Variants in ANK2 observed in about 807,000 individuals in gnomAD.
The protein encoded by ANK2 is ankyrin-2.
Under a neutral mutation model 360.5 loss-of-function variants are expected in ANK2, and 83 were observed. The ratio of observed to expected loss-of-function variants is 0.23; its 90% CI spans 0.19 to 0.28. The LOEUF (loss-of-function observed/expected upper bound fraction) is 0.28. Among genes scored for constraint, ANK2 ranks in the 10% least tolerant of loss-of-function variants. ANK2 has a pLI of 1.00. For missense variants in ANK2, 4,201 were observed against 4,795.7 expected (o/e 0.88, Z 3.66); for synonymous variants, 1,740 against 1,759.5 (o/e 0.99, Z 0.28).
At chr4:113,055,555 T>G (rs1257347235) in intron 1 of ANK2, among the ~76,000 whole-genome samples, 1 of 152,220 alleles carries the variant, frequency 6.6e-6, no homozygotes, top group Non-Finnish European at 1.5e-5. Context: ...GTAACATTTG[T>G]TTAAGTCTAG....
chr4:113,014,947 C>CCG (rs1159287050), intron 2 of ANK2, among the ~76,000 whole-genome samples: 2 of 151,308 alleles, frequency 1.3e-5, no homozygotes, highest in East Asian at 3.9e-4. Context: ...CAAGCTCCGC[C>CCG]CGCCGGGTTC....
At chr4:112,809,650 G>A in the ANK2 span, among the ~76,000 whole-genome samples, 5 of 150,694 alleles carry the variant, frequency 3.3e-5, 1 homozygote, top group Non-Finnish European at 7.4e-5. Context: ...AGGAGGCCGC[G>A]GCGGACAGAT....
Position 113,367,626 on chromosome 4 carries a change from C to G in ANK2, c.11093C>G (p.Ala3698Gly). The change falls in exon 42 of 46, where the codon GCT becomes GGT. Residue 3698 changes from alanine (A) to glycine (G), a missense_variant. Physicochemically the swap from Ala to Gly is moderately conservative, Grantham distance 60. Transcript: ENST00000357077. ...TAQHKQKEEQ[A>G]VSKESETCDH... ...CAGCACAAGCAGAAAGAGGAGCAAGCTGTTTCTAAAGAAAGTGAGACCTGC... is the reference window on the plus strand; with the variant it reads ...CAGCACAAGCAGAAAGAGGAGCAAGGTGTTTCTAAAGAAAGTGAGACCTGC... The G allele has an allele frequency of 6.2e-7, 1 of 1,613,808 alleles. No individual in the cohort carries two copies. The highest frequency in any genetic ancestry group is 8.5e-7 in the Non-Finnish European group (1 of 1,179,962).
intron 2 of ANK2, among the ~76,000 whole-genome samples, chr4:112,994,141 A>C (rs1561453328): frequency 6.6e-6 from 1 of 152,252 alleles, no homozygotes; most frequent in Non-Finnish European, 1.5e-5. Flanking sequence ...CTACATTAAT[A>C]AAAGCAGATA....
intron 18 of ANK2, among the ~76,000 whole-genome samples, chr4:113,285,169 A>G (rs1408934864): frequency 6.6e-6 from 1 of 151,888 alleles, no homozygotes; most frequent in East Asian, 1.9e-4. Flanking sequence ...AAACCTTTCA[A>G]ACAGTGTTTT....
At chr4:113,045,723 G>C (rs1274262822), upstream of ANK2, among the ~76,000 whole-genome samples, 1 of 151,964 alleles carries the variant, frequency 6.6e-6, no homozygotes, top group Non-Finnish European at 1.5e-5. Flanking sequence ...GCAAATGTAA[G>C]GTATTATCAT....
chr4:113,201,692 A>G (rs1216084664), intron 4 of ANK2, among the ~76,000 whole-genome samples: 1 of 152,220 alleles, frequency 6.6e-6, no homozygotes, highest in Admixed American at 6.5e-5. Flanking sequence ...GACTAGTAGC[A>G]AATGCTGCAA....
intron 1 of ANK2, among the ~76,000 whole-genome samples, chr4:112,858,596 T>C (rs1360640947): frequency 6.6e-6 from 1 of 152,232 alleles, no homozygotes; most frequent in East Asian, 1.9e-4. Flanking sequence ...ATTCTGTTCT[T>C]CGCATTCTTA....
chr4:113,030,987 T>C (rs943241559), intron 2 of ANK2, among the ~76,000 whole-genome samples: 4 of 151,972 alleles, frequency 2.6e-5, no homozygotes, highest in Non-Finnish European at 5.9e-5. Flanking sequence ...ATCAGAGTGA[T>C]AGATATTATG....
intron 1 of ANK2, among the ~76,000 whole-genome samples, chr4:113,116,132 C>A (rs567695808): frequency 1.3e-5 from 2 of 152,280 alleles, no homozygotes; most frequent in Admixed American, 1.3e-4. Flanking sequence ...TTTCATTGAG[C>A]CTCCCTATTG....
intron 2 of ANK2, among the ~76,000 whole-genome samples, chr4:112,962,546 T>C (rs1210184603): frequency 1.3e-5 from 2 of 152,184 alleles, no homozygotes; most frequent in Admixed American, 1.3e-4. Flanking sequence ...CTATTTTCCT[T>C]TGGGTATGTA....
At chr4:113,182,814 G>T (rs2098444019) in intron 2 of ANK2, among the ~76,000 whole-genome samples, 1 of 152,098 alleles carries the variant, frequency 6.6e-6, no homozygotes, top group Admixed American at 6.6e-5. Flanking sequence ...CTGCTTCAAG[G>T]GCTCTTTCTA....
chr4:112,791,005 G>C, the ANK2 span, among the ~76,000 whole-genome samples: 1 of 152,172 alleles, frequency 6.6e-6, no homozygotes, highest in Non-Finnish European at 1.5e-5. Context: ...AAGGATATGG[G>C]AAGAATTGTG....
chr4:112,839,393 A>T (rs1361816826), intron 1 of ANK2, among the ~76,000 whole-genome samples: 2 of 152,142 alleles, frequency 1.3e-5, no homozygotes, highest in Non-Finnish European at 2.9e-5. Flanking sequence ...TGGAGCATAC[A>T]CATATTTTAG....
intron 4 of ANK2, among the ~76,000 whole-genome samples, chr4:113,206,674 T>C (rs539792802): frequency 6.6e-6 from 1 of 152,316 alleles, no homozygotes; most frequent in Non-Finnish European, 1.5e-5. Context: ...TTAAAGAAAA[T>C]ATGCTTTTTC....
intron 2 of ANK2, among the ~76,000 whole-genome samples, chr4:113,175,378 C>T (rs182724494): frequency 9.9e-5 from 15 of 152,238 alleles, no homozygotes; most frequent in South Asian, 8.3e-4. Flanking sequence ...AAACTGAGCC[C>T]GGTATCTTAT....
chr4:113,355,002 A>G lies in ANK2; in HGVS notation c.6384A>G (p.Pro2128=). The change falls in exon 38 of 46, where the codon CCA becomes CCG. Residue 2128 remains proline (P), a synonymous_variant. Coordinates refer to ENST00000357077, the MANE Select transcript of ANK2 (RefSeq NM_001148.6). ...GAGACATGGATCTACAGATCAGCCC[A>G]GATAGGAAAACCTCCACTGACTTCT... ...EQGDMDLQIS[P]DRKTSTDFSE... is the part of the protein sequence containing the mutation. The G allele has an allele frequency of 6.2e-7, 1 of 1,614,110 alleles. No homozygotes were observed. Among genetic ancestry groups the G allele is most frequent in the South Asian group, 1.1e-5 (1 of 91,076 alleles).
At position 112,925,095 on chromosome 4, in the gene ANK2, T is replaced by C. The variant is rs558039020; in HGVS notation, c.21+20581T>C. ...CCTCATGATCTATCCGCCTCGGCCT[T>C]CCAAAGTGCTGGGATTACAGGCGTG... On this transcript the variant is annotated intron_variant, in intron 2 of 30. Transcript: ENST00000503271. Among the ~76,000 whole-genome samples, 6 of 152,134 alleles carry C rather than the reference T, an allele frequency of 3.9e-5. No individual in the cohort carries two copies. The South Asian group carries it at 6.2e-4, about 16-fold the overall frequency.
intron 2 of ANK2, among the ~76,000 whole-genome samples, chr4:112,912,146 C>T (rs2087785382): frequency 6.7e-6 from 1 of 149,848 alleles, no homozygotes; most frequent in African/African-American, 2.5e-5. Context: ...CACTGCACTC[C>T]AGCCTGGGTG....
Sources: allele counts gnomAD v4.1 joint callset (sites outside exome capture counted in the v4.1 genomes callset), GRCh38; gene constraint gnomAD v4.1.1; transcripts MANE v1.5; gene names NCBI Gene and HGNC (gene_info 2026-07-23, HGNC 2026-07-21).